SMAD1: variants seen among roughly 807,000 people sequenced by gnomAD.
SMAD1 encodes the protein MAD, mothers against decapentaplegic homolog 1.
In SMAD1, 6 loss-of-function variants were observed where a neutral mutation model predicts 41.6. The observed-to-expected ratio is 0.14, with a 90% CI of 0.08 to 0.28. The LOEUF (loss-of-function observed/expected upper bound fraction) is 0.28, where lower values mean the gene tolerates loss of function less well. Ranked by LOEUF, SMAD1 falls within the 10% of genes least tolerant of loss-of-function variation. The pLI is 1.00. For missense variants in SMAD1, 379 were observed against 582.6 expected (o/e 0.65, Z 3.60); for synonymous variants, 206 against 203.2 (o/e 1.01, Z -0.12).
intron 2 of SMAD1, among the ~76,000 whole-genome samples, chr4:145,524,161 AT>A (rs1177720657): frequency 2.6e-5 from 4 of 152,226 alleles, no homozygotes; most frequent in African/African-American, 9.6e-5. Context: ...GCTTTCCAGG[AT>A]TTTATCATTG....
At chr4:145,505,766 C>T (rs988375254) in intron 1 of SMAD1, among the ~76,000 whole-genome samples, 2 of 151,780 alleles carry the variant, frequency 1.3e-5, no homozygotes, top group Non-Finnish European at 2.9e-5. Context: ...ATATATCTGG[C>T]GATGTAAGTC....
intron 2 of SMAD1, among the ~76,000 whole-genome samples, chr4:145,533,722 A>G (rs1237540262): frequency 6.6e-6 from 1 of 152,230 alleles, no homozygotes; most frequent in Non-Finnish European, 1.5e-5. Flanking sequence ...TTTGTTTTTA[A>G]AAAAGCAAAT....
At chr4:145,516,084 C>G (rs947716083) in intron 2 of SMAD1, among the ~76,000 whole-genome samples, 1 of 152,194 alleles carries the variant, frequency 6.6e-6, no homozygotes, top group East Asian at 1.9e-4. Flanking sequence ...ATCCCCTACT[C>G]ATTTTAAGAA....
intron 1 of SMAD1, among the ~76,000 whole-genome samples, chr4:145,488,138 G>T (rs1728578891): frequency 6.6e-6 from 1 of 150,702 alleles, no homozygotes; most frequent in South Asian, 2.1e-4. Flanking sequence ...TTTTTAATAA[G>T]AACCTAGGTT....
chr4:145,486,487 A>G (rs942247195), intron 1 of SMAD1, among the ~76,000 whole-genome samples: 1 of 151,632 alleles, frequency 6.6e-6, no homozygotes, highest in African/African-American at 2.4e-5. Context: ...TTCAACATCT[A>G]TTTTTGTAAA....
At chr4:145,508,623 T>C (rs1240707720) in intron 1 of SMAD1, among the ~76,000 whole-genome samples, 1 of 152,330 alleles carries the variant, frequency 6.6e-6, no homozygotes, top group African/African-American at 2.4e-5. Flanking sequence ...TCTGATGTTT[T>C]CTCTTGGAAA....
chr4:145,537,539 T>G (rs1485349838), intron 2 of SMAD1, among the ~76,000 whole-genome samples: 1 of 152,150 alleles, frequency 6.6e-6, no homozygotes, highest in African/African-American at 2.4e-5. Flanking sequence ...TATAACTGCC[T>G]CAAACTGGAA....
At chr4:145,553,730 C>A in intron 5 of SMAD1, 54 bp from the exon 6 acceptor site, 1 of 1,530,296 alleles carries the variant, frequency 6.5e-7, no homozygotes, top group Non-Finnish European at 9.0e-7. Flanking sequence ...GCACAGGTGC[C>A]TTTGAGCTGT....
intron 1 of SMAD1, among the ~76,000 whole-genome samples, chr4:145,495,996 A>G (rs1441580568): frequency 1.3e-5 from 2 of 152,128 alleles, no homozygotes; most frequent in Admixed American, 6.5e-5. Context: ...TTGAACACAT[A>G]CAAGAGCTAA....
In SMAD1 at chr4:145,482,630, C is replaced by T. The variant is rs901800899; in HGVS notation, c.-177+592C>T. 1.3e-5 allele frequency: 2 copies of T among 152,232 alleles called. No homozygotes were observed. Among genetic ancestry groups the T allele is most frequent in the Non-Finnish European group, 2.9e-5 (2 of 68,062 alleles). 9.4% of individuals were successfully genotyped at this position (152,232 alleles called of 1,614,324 possible). ...CCCCTCCACATCCCGCACGGGTTTT[C>T]TTCTCGGCCCCAGCAAGCCTCTTTG... On this transcript the variant is annotated intron_variant, in intron 1 of 6. Transcript: ENST00000302085. This position sits in a 1 kb window ranked among gnomAD's most constrained non-coding sequence, Gnocchi z 4.2.
intron 2 of SMAD1, among the ~76,000 whole-genome samples, chr4:145,534,100 A>C (rs572054583): frequency 6.6e-6 from 1 of 152,238 alleles, no homozygotes; most frequent in African/African-American, 2.4e-5. Flanking sequence ...GTACACCCTG[A>C]GGAGGCAGCT....
At chr4:145,547,502 A>G (rs1052798605) in intron 5 of SMAD1, among the ~76,000 whole-genome samples, 4 of 152,244 alleles carry the variant, frequency 2.6e-5, no homozygotes, top group Admixed American at 2.0e-4. Context: ...AGTTATGAAT[A>G]TAGTAAGTGA....
intron 2 of SMAD1, among the ~76,000 whole-genome samples, chr4:145,520,411 A>C (rs1336467682): frequency 6.6e-6 from 1 of 152,246 alleles, no homozygotes; most frequent in African/African-American, 2.4e-5. Flanking sequence ...GGGGACAGAC[A>C]TCTGTGTTGT....
intron 5 of SMAD1, among the ~76,000 whole-genome samples, chr4:145,547,389 T>A (rs931830559): frequency 1.2e-4 from 18 of 152,116 alleles, no homozygotes; most frequent in African/African-American, 4.1e-4. Flanking sequence ...GGACACCAAA[T>A]TGAACAACTG....
intron 4 of SMAD1, chr4:145,545,077 C>T (rs559632938): frequency 1.9e-4 from 28 of 150,606 alleles, no homozygotes; most frequent in African/African-American, 6.8e-4. Flanking sequence ...TTGTTTTTAA[C>T]CTTTGGTGAT....
chr4:145,541,700 G>A (rs574241570), intron 3 of SMAD1, among the ~76,000 whole-genome samples: 1 of 152,152 alleles, frequency 6.6e-6, no homozygotes, highest in African/African-American at 2.4e-5. Flanking sequence ...GTTTGTATTT[G>A]ACAGTTGCTC....
chr4:145,513,806 G>A (rs1361207616), intron 1 of SMAD1, among the ~76,000 whole-genome samples: 2 of 152,114 alleles, frequency 1.3e-5, no homozygotes, highest in Non-Finnish European at 2.9e-5. Context: ...TATCTTTTGA[G>A]AACTTGGGCT....
intron 1 of SMAD1, among the ~76,000 whole-genome samples, chr4:145,501,278 A>AT (rs1001823440): frequency 2.6e-5 from 4 of 152,194 alleles, no homozygotes; most frequent in African/African-American, 9.6e-5. Flanking sequence ...GAGGGAAGTG[A>AT]TTTTTTCAAG....
upstream of SMAD1, chr4:145,481,295 A>T (rs1728159955): frequency 6.6e-6 from 1 of 152,138 alleles, no homozygotes; most frequent in Non-Finnish European, 1.5e-5. Context: ...TGCAGTATTT[A>T]CTAGGCTATC....
Sources: allele counts gnomAD v4.1 joint callset (sites outside exome capture counted in the v4.1 genomes callset), GRCh38; gene constraint gnomAD v4.1.1; non-coding constraint Gnocchi (gnomAD v3.1); transcripts MANE v1.5; gene names NCBI Gene and HGNC (gene_info 2026-07-23, HGNC 2026-07-21).